Variants in GDPD5 observed in about 807,000 individuals in gnomAD.
GDPD5 encodes glycerophosphodiester phosphodiesterase 2.
Under a neutral mutation model 75.1 loss-of-function variants are expected in GDPD5, and 48 were observed. The ratio of observed to expected loss-of-function variants is 0.64; its 90% CI spans 0.51 to 0.81. The LOEUF (loss-of-function observed/expected upper bound fraction) is 0.81. Ranked by LOEUF, GDPD5 falls within the 40% of genes least tolerant of loss-of-function variation. The pLI, the probability that GDPD5 is intolerant of heterozygous loss-of-function variation, is 0.00. For synonymous variants in GDPD5, 336 were observed against 339.0 expected, an observed-to-expected ratio of 0.99 and a Z score of 0.10; for missense variants, 706 against 822.6, an observed-to-expected ratio of 0.86 and a Z score of 1.73.
intron 9 of GDPD5, among the ~76,000 whole-genome samples, chr11:75,445,590 C>T (rs1948965899): frequency 6.6e-6 from 1 of 152,188 alleles, no homozygotes; most frequent in Non-Finnish European, 1.5e-5. Flanking sequence ...CACCCCCGAT[C>T]CCCCTGCCCT....
intron 2 of GDPD5, among the ~76,000 whole-genome samples, chr11:75,483,990 C>T (rs1488452497): frequency 6.6e-6 from 1 of 152,138 alleles, no homozygotes; most frequent in Non-Finnish European, 1.5e-5. Flanking sequence ...AGTTCAAGAC[C>T]AGCCTGGCCA....
At chr11:75,451,525 AC>A (rs1300098028) in intron 6 of GDPD5, 1 of 152,244 alleles carries the variant, frequency 6.6e-6, no homozygotes, top group Non-Finnish European at 1.5e-5. Context: ...GCTTTCTCGG[AC>A]AGACAGCACG....
In GDPD5 at chr11:75,435,648, G is replaced by T. The variant is rs983737566; in HGVS notation, c.1677C>A (p.Ser559Arg). 1.2e-6 allele frequency: 2 copies of T among 1,606,302 alleles called. No homozygotes were observed. The highest frequency in any genetic ancestry group is 3.3e-4 in the Middle Eastern group (2 of 6,034). ...MKEKLIFSEI[S>R]DGVEVSDVLS... ...GCACATCGGAGACCTCTACACCATCGCTGATCTCTGCTGGGCCAGAGGGAG... is the reference window on the plus strand; with the variant it reads ...GCACATCGGAGACCTCTACACCATCTCTGATCTCTGCTGGGCCAGAGGGAG... The change falls in exon 17 of 17, where the codon AGC becomes AGA. Residue 559 changes from serine to arginine, a missense_variant. Transcript: ENST00000336898.
At chr11:75,442,322 G>A (rs1948840237) in intron 12 of GDPD5, 41 bp downstream of exon 12, 4 of 1,467,230 alleles carry the variant, frequency 2.7e-6, no homozygotes, top group Non-Finnish European at 3.7e-6. Flanking sequence ...CTCTAGCCAG[G>A]CCAGGGCTCC....
intron 14 of GDPD5, 125 bp downstream of exon 14, chr11:75,441,038 T>TG (rs1480583665): frequency 4.5e-5 from 42 of 925,556 alleles, no homozygotes; most frequent in Non-Finnish European, 8.3e-6. Context: ...ACGCCCACCA[T>TG]GGACTCCCCA....
chr11:75,503,112 C>T (rs754711244), intron 1 of GDPD5, among the ~76,000 whole-genome samples: 8 of 152,212 alleles, frequency 5.3e-5, no homozygotes, highest in Non-Finnish European at 8.8e-5. Context: ...CTCTGCCTCC[C>T]GGGTTCAAGT....
At chr11:75,476,862 C>T (rs1015870455) in intron 3 of GDPD5, among the ~76,000 whole-genome samples, 2 of 152,192 alleles carry the variant, frequency 1.3e-5, no homozygotes, top group Non-Finnish European at 2.9e-5. Flanking sequence ...ACATCAGCGG[C>T]AGCCACCGCT....
chr11:75,455,302 A>C (rs1238653024), intron 6 of GDPD5: 1 of 455,454 alleles, frequency 2.2e-6, no homozygotes, highest in African/African-American at 2.0e-5. Flanking sequence ...CCAGCTTTGC[A>C]GCCAGGAGAA....
At chr11:75,439,384 G>C (rs576362752) in intron 15 of GDPD5, 527 of 456,456 alleles carry the variant, frequency 1.2e-3, no homozygotes, top group Non-Finnish European at 1.7e-3. Context: ...AGCAGAGAGA[G>C]GGGGAGGGGG....
chr11:75,520,492 G>C (rs952345869), intron 1 of GDPD5, among the ~76,000 whole-genome samples: 1 of 152,122 alleles, frequency 6.6e-6, no homozygotes, highest in Admixed American at 6.6e-5. Context: ...GGGAGGATTC[G>C]GTGGGGGCAC....
chr11:75,458,702 T>TAAATAAATA lies in GDPD5; in HGVS notation c.222-925_222-917dup, dbSNP rs1359366301. 4.8e-3 allele frequency among the ~76,000 whole-genome samples: 722 copies of TAAATAAATA among 150,920 alleles called. 2 individuals carry two copies. Among genetic ancestry groups the TAAATAAATA allele is most frequent in the Non-Finnish European group, 8.1e-3 (549 of 67,584 alleles). On this transcript the variant is annotated intron_variant, in intron 4 of 16. Transcript: ENST00000336898. ...TAAATAAATAAATAAATAAATAAAA[T>TAAATAAATA]AAATAAATAAAAAGTGCCTTTCATG...
At chr11:75,442,648 T>A in intron 11 of GDPD5, 67 bp from the exon 12 acceptor site, 1 of 1,444,528 alleles carries the variant, frequency 6.9e-7, no homozygotes, top group Admixed American at 1.8e-5. Context: ...CATACCCTTC[T>A]GGCAACCAAG....
At chr11:75,474,200 A>C (rs1360596133) in intron 3 of GDPD5, among the ~76,000 whole-genome samples, 1 of 152,188 alleles carries the variant, frequency 6.6e-6, no homozygotes, top group East Asian at 1.9e-4. Flanking sequence ...TCAAAAGGTA[A>C]ATGTACTACA....
chr11:75,446,854 A>G (rs1948998269), intron 9 of GDPD5, among the ~76,000 whole-genome samples: 1 of 152,190 alleles, frequency 6.6e-6, no homozygotes, highest in African/African-American at 2.4e-5. Context: ...TTCTCAGGAC[A>G]AATAAACAGC....
rs1230653450 is a variant in GDPD5 at position 75,462,819 on chromosome 11, C to T, written c.188G>A (p.Trp63Ter). The change falls in exon 4 of 17, where the codon TGG (tryptophan) becomes TAG (stop). Residue 63 changes from tryptophan to a stop codon, truncating the protein, a stop_gained. Coordinates refer to ENST00000336898, the MANE Select transcript of GDPD5 (RefSeq NM_030792.8). LOFTEE classifies it high-confidence loss of function. The stretch of plus-strand genomic sequence containing the variant: ...TTCATCATAGTCATTGTGGACTTCC[C>T]ACCAGAAGTAAAGCCAGGTGAGCGT... ...GLTLTWLYFW[W>*]EVHNDYDEFN... The T allele has an allele frequency of 1.9e-6, 3 of 1,613,994 alleles. No individual in the cohort carries two copies. Among genetic ancestry groups the T allele is most frequent in the Admixed American group, 1.7e-5 (1 of 60,006 alleles).
intron 3 of GDPD5, among the ~76,000 whole-genome samples, chr11:75,471,060 G>A (rs1232323607): frequency 6.6e-6 from 1 of 152,232 alleles, no homozygotes; most frequent in South Asian, 2.1e-4. Context: ...AGACTGAAGA[G>A]TGCCTACTCC....
chr11:75,517,628 C>A (rs954983386), intron 1 of GDPD5, among the ~76,000 whole-genome samples: 33 of 152,128 alleles, frequency 2.2e-4, no homozygotes, highest in Non-Finnish European at 2.8e-4. Context: ...GCCTCTTGAG[C>A]CTGGTGCCAT....
At chr11:75,490,544 A>G (rs1950089939) in intron 1 of GDPD5, 1 of 152,534 alleles carries the variant, frequency 6.6e-6, no homozygotes, top group Non-Finnish European at 1.5e-5. Flanking sequence ...AACCCAGCAC[A>G]TGCAATCCAC....
At chr11:75,511,756 A>C (rs911581161) in intron 1 of GDPD5, among the ~76,000 whole-genome samples, 1 of 152,222 alleles carries the variant, frequency 6.6e-6, no homozygotes, top group Non-Finnish European at 1.5e-5. Context: ...CAGATAATGA[A>C]CATGGCATCA....
Sources: allele counts gnomAD v4.1 joint callset (sites outside exome capture counted in the v4.1 genomes callset), GRCh38; gene constraint gnomAD v4.1.1; transcripts MANE v1.5; gene names NCBI Gene and HGNC (gene_info 2026-07-23, HGNC 2026-07-21).